The following ZCWPW2 variants were observed in gnomAD, a reference collection of about 807,000 sequenced individuals.
The protein encoded by ZCWPW2 is zinc finger CW-type and PWWP domain containing 2.
Under a neutral mutation model 46.6 loss-of-function variants are expected in ZCWPW2, and 45 were observed. That is an observed-to-expected ratio of 0.96 (90% CI 0.76 to 1.24). ZCWPW2 has a LOEUF of 1.24. Among genes scored for constraint, ZCWPW2 ranks in the 50% most tolerant of loss-of-function variants. ZCWPW2 has a pLI of 0.00. For synonymous variants in ZCWPW2, 152 were observed against 137.1 expected, an observed-to-expected ratio of 1.11 and a Z score of -0.76; for missense variants, 429 against 403.9, an observed-to-expected ratio of 1.06 and a Z score of -0.53.
At chr3:28,353,906 A>G (rs544837884) in intron 1 of ZCWPW2, among the ~76,000 whole-genome samples, 2 of 152,202 alleles carry the variant, frequency 1.3e-5, no homozygotes, top group Non-Finnish European at 2.9e-5. Context: ...TATACTTCTT[A>G]TTAAATGAAG....
intron 3 of ZCWPW2, among the ~76,000 whole-genome samples, chr3:28,424,053 C>A (rs145338269): frequency 1.7e-3 from 264 of 152,148 alleles, no homozygotes; most frequent in African/African-American, 5.8e-3. Context: ...AAAACTATAC[C>A]ACCATTGCTG....
intron 1 of ZCWPW2, chr3:28,351,682 T>C (rs982592630): frequency 1.3e-5 from 2 of 151,788 alleles, no homozygotes; most frequent in African/African-American, 4.9e-5. Context: ...ATTTAAATTG[T>C]ATATTTAATT....
chr3:28,472,888 C>A (rs543733018), intron 4 of ZCWPW2, among the ~76,000 whole-genome samples: 7 of 149,674 alleles, frequency 4.7e-5, no homozygotes, highest in African/African-American at 1.5e-4. Flanking sequence ...AAAAAAAAAA[C>A]AAACTAATAA....
At chr3:28,505,624 A>C (rs185194065) in intron 6 of ZCWPW2, among the ~76,000 whole-genome samples, 1 of 152,268 alleles carries the variant, frequency 6.6e-6, no homozygotes, top group Non-Finnish European at 1.5e-5. Flanking sequence ...TTTCATCCTT[A>C]TTCTAAGCAG....
intron 1 of ZCWPW2, among the ~76,000 whole-genome samples, chr3:28,369,556 A>G (rs762944424): frequency 6.6e-6 from 1 of 152,168 alleles, no homozygotes; most frequent in Non-Finnish European, 1.5e-5. Context: ...GTGAGGTGTC[A>G]GTCTGCCCCT....
At chr3:28,483,619 T>C (rs548930703) in intron 5 of ZCWPW2, among the ~76,000 whole-genome samples, 108 of 152,356 alleles carry the variant, frequency 7.1e-4, no homozygotes, top group African/African-American at 2.5e-3. Context: ...TCCATGAATG[T>C]GGAATATCTT....
rs1700811394 is a variant in ZCWPW2 at position 28,524,838 on chromosome 3, G to C, written c.*150G>C. On this transcript the variant is annotated 3_prime_UTR_variant, in exon 10 of 10. Coordinates refer to ENST00000383768, the MANE Select transcript of ZCWPW2 (RefSeq NM_001040432.4). Reference sequence around the variant, plus strand: ...CTTTCTACTTCATATTTTGAGAATGGCCATGATTTTTAGAGCCAGTCAAAT... The same window carrying C: ...CTTTCTACTTCATATTTTGAGAATGCCCATGATTTTTAGAGCCAGTCAAAT... 1 of 639,960 alleles carries C rather than the reference G, an allele frequency of 1.6e-6. No individual in the cohort carries two copies. The highest frequency in any genetic ancestry group is 5.3e-5 in the South Asian group (1 of 18,820). 39.6% of individuals were successfully genotyped at this position (639,960 alleles called of 1,614,324 possible). A position where few individuals can be genotyped will look rare whatever the true frequency, so the allele number is the denominator to read the frequency against.
At chr3:28,352,394 A>G (rs1297075424) in intron 1 of ZCWPW2, among the ~76,000 whole-genome samples, 1 of 152,068 alleles carries the variant, frequency 6.6e-6, no homozygotes, top group African/African-American at 2.4e-5. Context: ...CCTAAGATTG[A>G]TCTTCCTCAG....
At chr3:28,446,779 C>T (rs762119505) in intron 4 of ZCWPW2, among the ~76,000 whole-genome samples, 3 of 151,872 alleles carry the variant, frequency 2.0e-5, no homozygotes, top group African/African-American at 2.4e-5. Flanking sequence ...GCTAGATGGA[C>T]TAAGAATTAA....
chr3:28,433,171 A>G (rs767074385), intron 3 of ZCWPW2, among the ~76,000 whole-genome samples: 27 of 152,050 alleles, frequency 1.8e-4, no homozygotes, highest in Non-Finnish European at 2.8e-4. Context: ...CTCTTTATCA[A>G]ATGGTTGTGT....
intron 5 of ZCWPW2, among the ~76,000 whole-genome samples, chr3:28,483,412 G>C (rs1408967515): frequency 6.6e-6 from 1 of 152,058 alleles, no homozygotes; most frequent in Non-Finnish European, 1.5e-5. Context: ...CTTCAAGTTG[G>C]GTAGTGTCAG....
intron 2 of ZCWPW2, among the ~76,000 whole-genome samples, chr3:28,407,962 C>A (rs1696231022): frequency 6.6e-6 from 1 of 152,112 alleles, no homozygotes; most frequent in South Asian, 2.1e-4. Flanking sequence ...TGAAAACCAG[C>A]AAAGTGTTGG....
rs1696800545 is a variant in ZCWPW2, at chr3:28,421,791, G to C, written c.332+8391G>C. 3.3e-5 allele frequency among the ~76,000 whole-genome samples: 5 copies of C among 150,032 alleles called. No homozygotes were observed. The South Asian group carries it at 1.1e-3, about 32-fold the overall frequency. ...GATAGAGGGAGAAATAGAAAGAAAT[G>C]AATGTGCTTCATCTTGTTGAGAACC... On this transcript the variant is annotated intron_variant, in intron 3 of 9. Coordinates refer to ENST00000383768, the MANE Select transcript of ZCWPW2 (RefSeq NM_001040432.4).
chr3:28,474,638 CACAT>C (rs1699167746), intron 4 of ZCWPW2, among the ~76,000 whole-genome samples: 1 of 151,106 alleles, frequency 6.6e-6, no homozygotes. Context: ...CGCGCGCGCG[CACAT>C]GCGCATTTGT....
rs553926843 is a variant in ZCWPW2, at chr3:28,525,018, A to C, written c.*330A>C. On this transcript the variant is annotated 3_prime_UTR_variant, in exon 10 of 10. Transcript: ENST00000383768. ...GTTTAGGCCCTTTGTTCAAAAATGG[A>C]TAACTTAAAATGGCTGGCCAAGCTA... 6.4e-6 allele frequency: 1 copy of C among 156,338 alleles called. No homozygotes were observed. Among genetic ancestry groups the C allele is most frequent in the Non-Finnish European group, 1.4e-5 (1 of 71,150 alleles). The allele number at this position is 156,338 out of a possible 1,614,324, so 9.7% of individuals were successfully genotyped here.
intron 6 of ZCWPW2, among the ~76,000 whole-genome samples, chr3:28,509,784 T>C (rs1429030949): frequency 6.6e-6 from 1 of 152,192 alleles, no homozygotes; most frequent in African/African-American, 2.4e-5. Flanking sequence ...TTTTTCACTT[T>C]CTTGATTGTG....
intron 3 of ZCWPW2, among the ~76,000 whole-genome samples, chr3:28,417,190 C>A (rs979658409): frequency 6.6e-6 from 1 of 151,756 alleles, no homozygotes; most frequent in African/African-American, 2.4e-5. Flanking sequence ...GATATCACCA[C>A]TGATCCCACA....
At chr3:28,417,729 G>C (rs1283473184) in intron 3 of ZCWPW2, among the ~76,000 whole-genome samples, 1 of 106,446 alleles carries the variant, frequency 9.4e-6, no homozygotes, top group Non-Finnish European at 1.9e-5. Context: ...ATCAATAAAC[G>C]TACTCCAGCA....
chr3:28,436,838 C>T (rs1265203315), intron 4 of ZCWPW2, among the ~76,000 whole-genome samples: 1 of 152,108 alleles, frequency 6.6e-6, no homozygotes. Context: ...TAGAATATTC[C>T]ATCTTGGCCG....
Sources: gnomAD v4.1 joint callset for allele counts (sites outside exome capture counted in the v4.1 genomes callset) on GRCh38, gnomAD v4.1.1 for gene constraint, MANE v1.5 for transcripts, NCBI Gene and HGNC (gene_info 2026-07-23, HGNC 2026-07-21) for gene names.